Variants in KPNA3 observed in about 807,000 individuals in gnomAD.
The protein encoded by KPNA3 is karyopherin subunit alpha 3.
Under a neutral mutation model 73.8 loss-of-function variants are expected in KPNA3, and 13 were observed. The observed-to-expected ratio is 0.18, with a 90% CI of 0.11 to 0.28. KPNA3 has a LOEUF of 0.28. KPNA3 is among the 10% of genes least tolerant of loss of function. The probability of loss-of-function intolerance (pLI) is 1.00; values close to 1 mark genes in which losing one functional copy is unlikely to be tolerated. For missense variants in KPNA3, 360 were observed against 618.1 expected (o/e 0.58, Z 4.43); for synonymous variants, 186 against 206.9 (o/e 0.90, Z 0.87).
At chr13:49,716,916 AT>A (rs1215318431) in intron 10 of KPNA3, among the ~76,000 whole-genome samples, 1 of 152,098 alleles carries the variant, frequency 6.6e-6, no homozygotes, top group Non-Finnish European at 1.5e-5. Flanking sequence ...CGAATCCAAA[AT>A]CTGTATTGTC....
Position 49,792,544 on chromosome 13 carries a change from T to TGCGGCGGCG in KPNA3, c.-47_-39dup, listed in dbSNP as rs377544239. 32 of 1,288,974 alleles carry TGCGGCGGCG rather than the reference T, an allele frequency of 2.5e-5. No individual in the cohort carries two copies. The highest frequency in any genetic ancestry group is 2.4e-4 in the East Asian group (7 of 29,484). The allele number at this position is 1,288,974 out of a possible 1,614,324, so 79.8% of individuals were successfully genotyped here. The stretch of plus-strand genomic sequence containing the variant: ...CTCCGGCGGCGGCTACTCCTGCGGC[T>TGCGGCGGCG]GCGGCGGCGGCGGCGGCGAATCTTG... On this transcript the variant is annotated 5_prime_UTR_variant, in exon 1 of 17. Transcript: ENST00000261667.
In KPNA3 at chr13:49,709,561, A is replaced by G. The variant is rs1226548700; in HGVS notation, c.1032+11T>C. 6.2e-7 allele frequency: 1 copy of G among 1,609,368 alleles called. No homozygotes were observed. Among genetic ancestry groups the G allele is most frequent in the Non-Finnish European group, 8.5e-7 (1 of 1,176,626 alleles). Reference sequence around the variant, plus strand: ...AAAGAAATAGCATAATGAGGACATTATATGCCTTACCTTATTTATCTTCTC... The same window carrying G: ...AAAGAAATAGCATAATGAGGACATTGTATGCCTTACCTTATTTATCTTCTC... On this transcript the variant is annotated intron_variant, in intron 12 of 16. Coordinates refer to ENST00000261667, the MANE Select transcript of KPNA3 (RefSeq NM_002267.4).
intron 1 of KPNA3, among the ~76,000 whole-genome samples, chr13:49,792,084 G>A (rs1452405066): frequency 6.6e-6 from 1 of 152,144 alleles, no homozygotes; most frequent in Non-Finnish European, 1.5e-5. Context: ...CCCCTCGGCT[G>A]TGCGGTCGGA....
chr13:49,785,376 G>A (rs994871836), intron 1 of KPNA3, among the ~76,000 whole-genome samples: 2 of 152,188 alleles, frequency 1.3e-5, no homozygotes, highest in Non-Finnish European at 2.9e-5. Context: ...TGTGGAAGAG[G>A]AGAAGTCCAA....
intron 2 of KPNA3, 98 bp downstream of exon 2, chr13:49,746,851 A>T: frequency 1.2e-6 from 1 of 809,312 alleles, no homozygotes; most frequent in Non-Finnish European, 2.1e-6. Context: ...TTTAGGGATG[A>T]CCACTAATTT....
At chr13:49,781,230 G>A (rs748787031) in intron 1 of KPNA3, among the ~76,000 whole-genome samples, 192 of 152,182 alleles carry the variant, frequency 1.3e-3, no homozygotes, top group Admixed American at 2.1e-3. Flanking sequence ...TCCATTACAG[G>A]AAATATTTAC....
At chr13:49,706,817 C>G (rs1020147755) in intron 12 of KPNA3, among the ~76,000 whole-genome samples, 1 of 151,792 alleles carries the variant, frequency 6.6e-6, no homozygotes, top group African/African-American at 2.4e-5. Context: ...GGCGTGATCT[C>G]GGCTCACTGC....
chr13:49,766,628 G>C (rs1954809952), intron 1 of KPNA3, among the ~76,000 whole-genome samples: 1 of 152,098 alleles, frequency 6.6e-6, no homozygotes, highest in East Asian at 1.9e-4. Flanking sequence ...ATCCTCTCTG[G>C]AAGACAAGCA....
At chr13:49,745,437 GCA>G (rs143518792) in intron 2 of KPNA3, among the ~76,000 whole-genome samples, 44,943 of 150,742 alleles carry the variant, frequency 0.3, 6,916 homozygotes, top group Non-Finnish European at 0.34. Flanking sequence ...CTGGCTCACT[GCA>G]GCCCCTGCCT....
At chr13:49,729,787 T>A (rs899179330) in intron 6 of KPNA3, among the ~76,000 whole-genome samples, 3 of 152,032 alleles carry the variant, frequency 2.0e-5, no homozygotes, top group Admixed American at 6.6e-5. Flanking sequence ...CTCAAAAAAA[T>A]AAATAAATAA....
intron 2 of KPNA3, among the ~76,000 whole-genome samples, chr13:49,740,220 T>C (rs907160567): frequency 3.3e-5 from 5 of 151,576 alleles, no homozygotes; most frequent in Non-Finnish European, 4.4e-5. Flanking sequence ...GCACTCCAAC[T>C]TGGGTGACAG....
intron 10 of KPNA3, among the ~76,000 whole-genome samples, chr13:49,717,076 C>T (rs911994940): frequency 6.6e-6 from 1 of 152,012 alleles, no homozygotes; most frequent in African/African-American, 2.4e-5. Context: ...TTCCCTAAAC[C>T]TATTATGATA....
chr13:49,723,811 AGTGAGCTGAGATCACGCCACT>A (rs1258705758), intron 7 of KPNA3, among the ~76,000 whole-genome samples: 2 of 150,668 alleles, frequency 1.3e-5, no homozygotes, highest in South Asian at 2.1e-4. Context: ...CGGAAGTTGC[AGTGAGCTGAGATCACGCCACT>A]GCACTCCAGC....
intron 2 of KPNA3, among the ~76,000 whole-genome samples, chr13:49,739,926 A>G (rs1954557878): frequency 6.6e-6 from 1 of 152,226 alleles, no homozygotes; most frequent in South Asian, 2.1e-4. Context: ...ATGATCTGAA[A>G]TATGTATAAG....
intron 2 of KPNA3, among the ~76,000 whole-genome samples, chr13:49,734,413 T>C (rs1386153142): frequency 3.9e-5 from 6 of 152,214 alleles, no homozygotes; most frequent in Non-Finnish European, 8.8e-5. Flanking sequence ...TGACATCTGC[T>C]TTATACCAGA....
chr13:49,731,249 GTTTTTTT>G (rs143641829), intron 6 of KPNA3, among the ~76,000 whole-genome samples: 1 of 102,218 alleles, frequency 9.8e-6, no homozygotes, highest in Non-Finnish European at 1.8e-5. Context: ...TAATTTTCGT[GTTTTTTT>G]TTTTTTTTTT....
chr13:49,704,106 T>C (rs951562018), intron 15 of KPNA3, among the ~76,000 whole-genome samples: 2 of 152,098 alleles, frequency 1.3e-5, no homozygotes, highest in African/African-American at 4.8e-5. Context: ...CTCCTTAAAA[T>C]CTGTGGGATA....
intron 7 of KPNA3, 87 bp from the exon 8 acceptor site, chr13:49,722,650 G>T: frequency 1.3e-6 from 1 of 755,190 alleles, no homozygotes; most frequent in Non-Finnish European, 2.2e-6. Flanking sequence ...CAAATACACA[G>T]CCTGGCATAT....
rs780286546 is a variant in KPNA3, at chr13:49,792,439, T to G, written c.68A>C (p.Glu23Ala). 1.6e-5 allele frequency: 25 copies of G among 1,572,944 alleles called. No homozygotes were observed. Among genetic ancestry groups the G allele is most frequent in the South Asian group, 8.0e-5 (7 of 87,368 alleles). Residue 23 changes from glutamate (E) to alanine (A), a missense_variant and splice_region_variant, in exon 1 of 17, where the codon GAA becomes GCA. Physicochemically the swap from Glu to Ala is moderately radical, Grantham distance 107. Coordinates refer to ENST00000261667, the MANE Select transcript of KPNA3 (RefSeq NM_002267.4). ...CCCAGACCGCGGAAGCACACTCACT[T>G]CCACATCGCGGCCCTTGTTCTTGAA... ...KSFKNKGRDV[E>A]TMRRHRNEVT...
Sources: gnomAD v4.1 joint callset for allele counts (sites outside exome capture counted in the v4.1 genomes callset) on GRCh38, gnomAD v4.1.1 for gene constraint, MANE v1.5 for transcripts, NCBI Gene and HGNC (gene_info 2026-07-23, HGNC 2026-07-21) for gene names.